The following NRG3 variants were observed in gnomAD, a reference collection of about 807,000 sequenced individuals.
NRG3 encodes pro-neuregulin-3, membrane-bound isoform.
Under a neutral mutation model 66.9 loss-of-function variants are expected in NRG3, and 31 were observed. That is an observed-to-expected ratio of 0.46 (90% CI 0.35 to 0.63). The LOEUF (loss-of-function observed/expected upper bound fraction) is 0.63, where lower values mean the gene tolerates loss of function less well. NRG3 is among the 20% of genes least tolerant of loss of function. The pLI, the probability that NRG3 is intolerant of heterozygous loss-of-function variation, is 0.00. For missense variants in NRG3, 910 were observed against 878.9 expected (o/e 1.04, Z -0.45); for synonymous variants, 393 against 359.4 (o/e 1.09, Z -1.06).
At chr10:82,783,809 T>C (rs1034666926) in intron 3 of NRG3, among the ~76,000 whole-genome samples, 3 of 152,066 alleles carry the variant, frequency 2.0e-5, no homozygotes, top group African/African-American at 7.2e-5. Context: ...TTCAATGCCA[T>C]CCCTATCAAG....
intron 2 of NRG3, among the ~76,000 whole-genome samples, chr10:82,551,976 T>C (rs1216696173): frequency 6.6e-6 from 1 of 152,068 alleles, no homozygotes; most frequent in Non-Finnish European, 1.5e-5. Context: ...AATTCATTGT[T>C]GAGGGACTGG....
intron 1 of NRG3, among the ~76,000 whole-genome samples, chr10:82,311,241 A>C (rs1185560072): frequency 6.6e-6 from 1 of 152,210 alleles, no homozygotes; most frequent in Non-Finnish European, 1.5e-5. Context: ...TCAGGAGGTG[A>C]ATTTATAATG....
In NRG3 at chr10:82,153,411, TTGTGTGTG is replaced by T. The variant is rs34783247; in HGVS notation, c.824-205304_824-205297del. Among the ~76,000 whole-genome samples the T allele has an allele frequency of 5.2e-3, 756 of 146,624 alleles. 5 individuals carry two copies. Among genetic ancestry groups the T allele is most frequent in the African/African-American group, 0.017 (690 of 40,174 alleles). ...TTGTGTAAGGCTATATAGTATTCCA[TTGTGTGTG>T]TGTGTGTGTGTGTGTGTGTGTGTTT... is the stretch of plus-strand genomic sequence containing the variant. On this transcript the variant is annotated intron_variant, in intron 1 of 8. Transcript: ENST00000372141.
intron 3 of NRG3, among the ~76,000 whole-genome samples, chr10:82,855,472 A>G (rs1161098835): frequency 6.6e-6 from 1 of 152,070 alleles, no homozygotes; most frequent in Non-Finnish European, 1.5e-5. Context: ...ATCTAGGCTC[A>G]CTGCAACCTC....
At chr10:82,282,282 A>C (rs1297303137) in intron 1 of NRG3, among the ~76,000 whole-genome samples, 2 of 129,152 alleles carry the variant, frequency 1.5e-5, no homozygotes, top group Non-Finnish European at 3.3e-5. Context: ...TTATTTATTT[A>C]TTTATTTATT....
intron 1 of NRG3, among the ~76,000 whole-genome samples, chr10:82,150,353 A>AGTG (rs1311490652): frequency 1.3e-5 from 2 of 148,820 alleles, no homozygotes; most frequent in Non-Finnish European, 3.0e-5. Context: ...TACCCAGCCC[A>AGTG]CCCCTTTGGT....
intron 1 of NRG3, among the ~76,000 whole-genome samples, chr10:82,042,586 A>G (rs2063095171): frequency 1.3e-5 from 2 of 152,056 alleles, no homozygotes; most frequent in South Asian, 4.1e-4. Flanking sequence ...AAGACAAAGT[A>G]TTTACAGTTA....
intron 3 of NRG3, among the ~76,000 whole-genome samples, chr10:82,744,663 G>A (rs946878495): frequency 3.3e-5 from 5 of 152,058 alleles, no homozygotes; most frequent in Admixed American, 3.3e-4. Context: ...AGACTACAAA[G>A]GACGTAATGT....
At chr10:82,764,065 GT>G (rs1160170888) in intron 3 of NRG3, among the ~76,000 whole-genome samples, 1 of 151,944 alleles carries the variant, frequency 6.6e-6, no homozygotes, top group Non-Finnish European at 1.5e-5. Flanking sequence ...TTGAGACAGA[GT>G]CTCAGTCTGT....
At chr10:82,190,191 G>T (rs2074056776) in intron 1 of NRG3, among the ~76,000 whole-genome samples, 2 of 151,964 alleles carry the variant, frequency 1.3e-5, no homozygotes, top group Non-Finnish European at 2.9e-5. Flanking sequence ...TGCTGAGAGG[G>T]TTGCATTAGA....
intron 7 of NRG3, among the ~76,000 whole-genome samples, chr10:82,976,996 A>G (rs1283242244): frequency 2.0e-5 from 3 of 152,138 alleles, no homozygotes; most frequent in East Asian, 1.9e-4. Flanking sequence ...ACACTTTTGT[A>G]TATAGCAAAA....
intron 2 of NRG3, among the ~76,000 whole-genome samples, chr10:82,461,224 C>T (rs1021056251): frequency 6.6e-6 from 1 of 151,374 alleles, no homozygotes; most frequent in Non-Finnish European, 1.5e-5. Flanking sequence ...TTACCACCAT[C>T]AACACCACCA....
chr10:82,344,235 C>T (rs1364352878), intron 1 of NRG3, among the ~76,000 whole-genome samples: 1 of 150,578 alleles, frequency 6.6e-6, no homozygotes, highest in Non-Finnish European at 1.5e-5. Flanking sequence ...CACAACAGTC[C>T]CCAGAGTATG....
At chr10:82,237,200 A>G (rs1426432190) in intron 1 of NRG3, among the ~76,000 whole-genome samples, 2 of 152,204 alleles carry the variant, frequency 1.3e-5, no homozygotes, top group African/African-American at 4.8e-5. Context: ...TCCAGGTCCC[A>G]TGAACTGATG....
At chr10:82,193,622 A>G (rs969271390) in intron 1 of NRG3, among the ~76,000 whole-genome samples, 3 of 152,180 alleles carry the variant, frequency 2.0e-5, no homozygotes, top group Admixed American at 2.0e-4. Context: ...TTAGAAGAAC[A>G]TTTGGAAGTG....
chr10:82,975,994 C>A (rs1852212307), intron 7 of NRG3, among the ~76,000 whole-genome samples: 1 of 152,178 alleles, frequency 6.6e-6, no homozygotes, highest in South Asian at 2.1e-4. Flanking sequence ...GAAAATAAAT[C>A]TATTACGGCA....
intron 1 of NRG3, among the ~76,000 whole-genome samples, chr10:81,957,685 A>C (rs1247844656): frequency 6.6e-6 from 1 of 152,218 alleles, no homozygotes; most frequent in Non-Finnish European, 1.5e-5. Context: ...AATTACATCA[A>C]GTAGACCGAG....
chr10:82,144,486 G>C (rs2070093693), intron 1 of NRG3, among the ~76,000 whole-genome samples: 1 of 152,188 alleles, frequency 6.6e-6, no homozygotes, highest in Admixed American at 6.5e-5. Flanking sequence ...GGTGAAGAAT[G>C]TCCTCAATAT....
chr10:82,890,608 C>A (rs969521000), intron 4 of NRG3, among the ~76,000 whole-genome samples: 1 of 152,134 alleles, frequency 6.6e-6, no homozygotes, highest in South Asian at 2.1e-4. Flanking sequence ...TAGTAGCCAT[C>A]TTTGTATAAA....
Sources: allele counts gnomAD v4.1 joint callset (sites outside exome capture counted in the v4.1 genomes callset), GRCh38; gene constraint gnomAD v4.1.1; transcripts MANE v1.5; gene names NCBI Gene and HGNC (gene_info 2026-07-23, HGNC 2026-07-21).